Variants in PNMA8A observed in about 807,000 individuals in gnomAD.
The protein encoded by PNMA8A is PNMA family member 8A.
In PNMA8A, 17 loss-of-function variants were observed where a neutral mutation model predicts 26.6. That is an observed-to-expected ratio of 0.64 (90% CI 0.44 to 0.96). PNMA8A has a LOEUF of 0.96. PNMA8A is among the 40% of genes least tolerant of loss of function. PNMA8A has a pLI of 0.00. For missense variants in PNMA8A, 532 were observed against 488.4 expected, an observed-to-expected ratio of 1.09 and a Z score of -0.84; for synonymous variants, 224 against 182.0, an observed-to-expected ratio of 1.23 and a Z score of -1.86.
rs1030786781 is a variant in PNMA8A at position 46,471,098 on chromosome 19, G to A, written c.-63C>T. ...TATCAGGTGGACGTGGGCTGCAGCGGTCTCCAAACAGTAATCCTGCAAGGT... is the reference window on the plus strand; with the variant it reads ...TATCAGGTGGACGTGGGCTGCAGCGATCTCCAAACAGTAATCCTGCAAGGT... On this transcript the variant is annotated 5_prime_UTR_variant, in exon 2 of 3. Transcript: ENST00000313683. The A allele has an allele frequency of 8.9e-6, 6 of 676,576 alleles. No homozygotes were observed. The highest frequency in any genetic ancestry group is 5.3e-5 in the African/African-American group (3 of 56,152). The allele number at this position is 676,576 out of a possible 1,614,324, so 41.9% of individuals were successfully genotyped here.
Position 46,471,042 on chromosome 19 carries a change from G to A in PNMA8A, c.-7C>T, listed in dbSNP as rs999970562. 4 of 755,462 alleles carry A rather than the reference G, an allele frequency of 5.3e-6. No individual in the cohort carries two copies. Among genetic ancestry groups the A allele is most frequent in the African/African-American group, 1.7e-5 (1 of 58,436 alleles). 46.8% of individuals were successfully genotyped at this position (755,462 alleles called of 1,614,324 possible). A position where few individuals can be genotyped will look rare whatever the true frequency, so the allele number is the denominator to read the frequency against. On this transcript the variant is annotated 5_prime_UTR_variant, in exon 2 of 3. Coordinates refer to ENST00000313683, the MANE Select transcript of PNMA8A (RefSeq NM_018215.4). ...TCGCCATGGTCTTGGACATTTAGCG[G>A]CTCTGAACCTACTATGTGTAGTAAA...
chr19:46,470,681 G>T lies in PNMA8A; in HGVS notation c.355C>A (p.Arg119Ser). The T allele has an allele frequency of 8.1e-7, 1 of 1,237,072 alleles. No individual in the cohort carries two copies. Among genetic ancestry groups the T allele is most frequent in the Non-Finnish European group, 1.2e-6 (1 of 835,598 alleles). The allele number at this position is 1,237,072 out of a possible 1,614,324, so 76.6% of individuals were successfully genotyped here. Reference protein sequence around the residue: ...NLNEFLDAEGRTWEDVVRLLQ... With the variant: ...NLNEFLDAEGSTWEDVVRLLQ... Reference sequence around the variant, plus strand: ...AGGCGGACCACATCCTCCCAGGTGCGCCCCTCGGCATCCAGGAATTCATTC... The same window carrying T: ...AGGCGGACCACATCCTCCCAGGTGCTCCCCTCGGCATCCAGGAATTCATTC... Residue 119 changes from arginine to serine, a missense_variant, in exon 2 of 3, where the codon CGC becomes AGC. Physicochemically the swap from Arg to Ser is moderately radical, Grantham distance 110 (BLOSUM62 -1). Transcript: ENST00000313683.
chr19:46,467,058 C>A lies in PNMA8A; in HGVS notation c.*1503G>T, dbSNP rs1969715902. The stretch of plus-strand genomic sequence containing the variant: ...GCACAGGAATTTCTTCCACTTCTAA[C>A]CTCGCTCATCAGTCACATTTACAAG... On this transcript the variant is annotated 3_prime_UTR_variant, in exon 3 of 3. Transcript: ENST00000313683. The A allele has an allele frequency of 6.6e-6, 1 of 152,190 alleles. No individual in the cohort carries two copies. The highest frequency in any genetic ancestry group is 2.4e-5 in the African/African-American group (1 of 41,448). The allele number at this position is 152,190 out of a possible 1,614,324, so 9.4% of individuals were successfully genotyped here.
intron 2 of PNMA8A, among the ~76,000 whole-genome samples, chr19:46,469,154 GC>G (rs1369721665): frequency 1.4e-5 from 2 of 147,142 alleles, no homozygotes; most frequent in African/African-American, 5.1e-5. Context: ...CGTCACCCAG[GC>G]TGGAGGGCAG....
rs1969728149 is a variant in PNMA8A, at chr19:46,467,787, T to G, written c.*774A>C. The G allele has an allele frequency of 1.3e-5, 2 of 151,998 alleles. 1 individual carries two copies. Among genetic ancestry groups the G allele is most frequent in the South Asian group, 4.1e-4 (2 of 4,826 alleles). The allele number at this position is 151,998 out of a possible 1,614,324, so 9.4% of individuals were successfully genotyped here. A position where few individuals can be genotyped will look rare whatever the true frequency, so the allele number is the denominator to read the frequency against. ...TGCTGCAAAGATGGTGACAGTTTGG[T>G]GCAAAGATGGTGACAGTTGGGTAGA... On this transcript the variant is annotated 3_prime_UTR_variant, in exon 3 of 3. Transcript: ENST00000313683.
rs1278765505 is a variant in PNMA8A at position 46,470,763 on chromosome 19, A to C, written c.273T>G (p.Gly91=). 3.8e-6 allele frequency: 3 copies of C among 792,956 alleles called. No individual in the cohort carries two copies. Among genetic ancestry groups the C allele is most frequent in the Non-Finnish European group, 7.0e-6 (3 of 429,128 alleles). The allele number at this position is 792,956 out of a possible 1,614,324, so 49.1% of individuals were successfully genotyped here. A position where few individuals can be genotyped will look rare whatever the true frequency, so the allele number is the denominator to read the frequency against. ...GGTCTCTACAGACCACTCTCCAGACACCACCCCTTCCTGGGAATTCACGGG... is the reference window on the plus strand; with the variant it reads ...GGTCTCTACAGACCACTCTCCAGACCCCACCCCTTCCTGGGAATTCACGGG... ...TIPREFPGRG[G]VWRVVCRDPT... is the part of the protein sequence containing the mutation. The change falls in exon 2 of 3, where the codon GGT becomes GGG. Residue 91 remains glycine (G), a synonymous_variant. Transcript: ENST00000313683.
rs1042201367 is a variant in PNMA8A at position 46,468,712 on chromosome 19, A to T, written c.1304-135T>A. 11 of 689,528 alleles carry T rather than the reference A, an allele frequency of 1.6e-5. No individual in the cohort carries two copies. In the African/African-American group the frequency reaches 2.0e-4, roughly 12 times the overall value. The allele number at this position is 689,528 out of a possible 1,614,324, so 42.7% of individuals were successfully genotyped here. ...AGGTCTCTAGAAAACTTCACCCTTAAAGCCACATACCCTGCAAACACCATA... is the reference window on the plus strand; with the variant it reads ...AGGTCTCTAGAAAACTTCACCCTTATAGCCACATACCCTGCAAACACCATA... On this transcript the variant is annotated intron_variant, in intron 2 of 2. Transcript: ENST00000313683.
chr19:46,466,965 C>T lies in PNMA8A; in HGVS notation c.*1596G>A, dbSNP rs887949218. 2 of 152,170 alleles carry T rather than the reference C, an allele frequency of 1.3e-5. No homozygotes were observed. The highest frequency in any genetic ancestry group is 4.8e-5 in the African/African-American group (2 of 41,434). The allele number at this position is 152,170 out of a possible 1,614,324, so 9.4% of individuals were successfully genotyped here. ...ACTTACTACCATACACCTGAACAGTCACGGCAGAACAAGAGCATGTGAATG... is the reference window on the plus strand; with the variant it reads ...ACTTACTACCATACACCTGAACAGTTACGGCAGAACAAGAGCATGTGAATG... On this transcript the variant is annotated 3_prime_UTR_variant, in exon 3 of 3. Transcript: ENST00000313683.
chr19:46,468,764 G>C (rs1003928572), intron 2 of PNMA8A, among the ~76,000 whole-genome samples, 187 bp from the exon 3 acceptor site: 4 of 151,914 alleles, frequency 2.6e-5, no homozygotes, highest in African/African-American at 4.8e-5. Context: ...ATTTTTTTTG[G>C]GGGGAGGGGG....
rs1169943262 is a variant in PNMA8A, at chr19:46,470,750, C to T, written c.286G>A (p.Val96Ile). Residue 96 changes from valine (V) to isoleucine (I), a missense_variant, in exon 2 of 3, where the codon GTC (valine) becomes ATC (isoleucine). Coordinates refer to ENST00000313683, the MANE Select transcript of PNMA8A (RefSeq NM_018215.4). ...GCATCCTGGGTAGGGTCTCTACAGA[C>T]CACTCTCCAGACACCACCCCTTCCT... is the stretch of plus-strand genomic sequence containing the variant. ...FPGRGGVWRV[V>I]CRDPTQDAEF... 1 of 813,296 alleles carries T rather than the reference C, an allele frequency of 1.2e-6. No homozygotes were observed. Among genetic ancestry groups the T allele is most frequent in the Non-Finnish European group, 2.2e-6 (1 of 447,780 alleles). The allele number at this position is 813,296 out of a possible 1,614,324, so 50.4% of individuals were successfully genotyped here. A position where few individuals can be genotyped will look rare whatever the true frequency, so the allele number is the denominator to read the frequency against.
At position 46,468,505 on chromosome 19, in the gene PNMA8A, T is replaced by G. The variant is rs765387917; in HGVS notation, c.*56A>C. On this transcript the variant is annotated 3_prime_UTR_variant, in exon 3 of 3. Coordinates refer to ENST00000313683, the MANE Select transcript of PNMA8A (RefSeq NM_018215.4). ...ATTCAGTGACAAGAGAGAACTTGGT[T>G]GACTTGGTACTTCTTCCTTGTTCTT... 6.4e-7 allele frequency: 1 copy of G among 1,567,710 alleles called. No individual in the cohort carries two copies. Among genetic ancestry groups the G allele is most frequent in the South Asian group, 1.1e-5 (1 of 89,968 alleles).
At chr19:46,469,276 T>A (rs1249437833) in intron 2 of PNMA8A, among the ~76,000 whole-genome samples, 1 of 137,284 alleles carries the variant, frequency 7.3e-6, no homozygotes, top group African/African-American at 2.8e-5. Flanking sequence ...ACCCGGCTAA[T>A]TTTTTGTATT....
chr19:46,470,506 T>C lies in PNMA8A; in HGVS notation c.530A>G (p.Gln177Arg). Residue 177 changes from glutamine to arginine, a missense_variant, in exon 2 of 3, where the codon CAG becomes CGG. By Grantham distance (43) the Gln-to-Arg change is conservative. Transcript: ENST00000313683. The part of the protein sequence containing the change: ...EIRSREEARA[Q>R]EAAEFEEMAA... The stretch of plus-strand genomic sequence containing the variant: ...CATCTCCTCGAATTCAGCGGCCTCC[T>C]GGGCCCTGGCTTCCTCCCGGCTGCG... 6.2e-7 allele frequency: 1 copy of C among 1,614,080 alleles called. No homozygotes were observed. Among genetic ancestry groups the C allele is most frequent in the Non-Finnish European group, 8.5e-7 (1 of 1,180,040 alleles).
In PNMA8A at chr19:46,468,358, T is replaced by G. The variant is rs1601486792; in HGVS notation, c.*203A>C. 1.9e-6 allele frequency: 1 copy of G among 525,264 alleles called. No individual in the cohort carries two copies. 32.5% of individuals were successfully genotyped at this position (525,264 alleles called of 1,614,324 possible). A position where few individuals can be genotyped will look rare whatever the true frequency, so the allele number is the denominator to read the frequency against. The stretch of plus-strand genomic sequence containing the variant: ...GAAGGCGGTGAAACGGCAGGCCTGG[T>G]AGAGAAAAGGGCATAGAGATCCACC... On this transcript the variant is annotated 3_prime_UTR_variant, in exon 3 of 3. Transcript: ENST00000313683.
chr19:46,470,002 G>A lies in PNMA8A; in HGVS notation c.1034C>T (p.Pro345Leu). The change falls in exon 2 of 3, where the codon CCA (proline) becomes CTA (leucine). Residue 345 changes from proline to leucine, a missense_variant. Coordinates refer to ENST00000313683, the MANE Select transcript of PNMA8A (RefSeq NM_018215.4). ...SDQDGGHESP[P>L]KKKAVAWVSA... ...CACCCAGGCCACGGCCTTCTTCTTT[G>A]GTGGGCTTTCATGGCCACCATCTTG... 6.2e-7 allele frequency: 1 copy of A among 1,603,936 alleles called. No individual in the cohort carries two copies. Among genetic ancestry groups the A allele is most frequent in the Non-Finnish European group, 8.5e-7 (1 of 1,176,178 alleles).
rs371708776 is a variant in PNMA8A at position 46,470,469 on chromosome 19, A to G, written c.567T>C (p.Ala189=). The stretch of plus-strand genomic sequence containing the variant: ...TCTTCACCTTCCTCCCTGCTGCTAA[A>G]GCCCAGGCTGCCATCTCCTCGAATT... The part of the protein sequence containing the change: ...AAEFEEMAAW[A]LAAGRKVKKE... Residue 189 remains alanine, a synonymous_variant, in exon 2 of 3, where the codon GCT becomes GCC. Coordinates refer to ENST00000313683, the MANE Select transcript of PNMA8A (RefSeq NM_018215.4). 3 of 1,613,898 alleles carry G rather than the reference A, an allele frequency of 1.9e-6. No individual in the cohort carries two copies. In the Admixed American group the frequency reaches 5.0e-5, roughly 27 times the overall value.
At chr19:46,469,167 G>T (rs8109870) in intron 2 of PNMA8A, among the ~76,000 whole-genome samples, 33,734 of 147,012 alleles carry the variant, frequency 0.23, 3,945 homozygotes, top group Non-Finnish European at 0.25. Context: ...GGAGGGCAGT[G>T]GCACAATCTA....
rs746498306 is a variant in PNMA8A at position 46,469,774 on chromosome 19, G to A, written c.1262C>T (p.Pro421Leu). 1.4e-5 allele frequency: 22 copies of A among 1,612,530 alleles called. No homozygotes were observed. Among genetic ancestry groups the A allele is most frequent in the African/African-American group, 5.3e-5 (4 of 74,776 alleles). The change falls in exon 2 of 3, where the codon CCG becomes CTG. Residue 421 changes from proline (P) to leucine (L), a missense_variant. Pro to Leu is a moderately conservative substitution (Grantham distance 98). Transcript: ENST00000313683. ...AGGAGAGCCTTCTGGCTTGGCCTTC[G>A]GACCCCTAGAGGTTGAGGCTGTTGC... ...AEATASTSRG[P>L]KAKPEGSPRR...
At position 46,470,338 on chromosome 19, in the gene PNMA8A, C is replaced by T. The variant is rs747863547; in HGVS notation, c.698G>A (p.Arg233His). The T allele has an allele frequency of 6.2e-6, 10 of 1,613,800 alleles. No individual in the cohort carries two copies. The highest frequency in any genetic ancestry group is 1.3e-5 in the African/African-American group (1 of 74,934). Residue 233 changes from arginine to histidine, a missense_variant, in exon 2 of 3, where the codon CGC becomes CAC. Arg to His is a conservative substitution (Grantham distance 29). Transcript: ENST00000313683. ...DQHEPTKPLV[R>H]RAGAKSRSRR... ...GGAGCGAGACTTAGCTCCAGCCCTG[C>T]GAACCAAAGGTTTGGTAGGCTCATG...
Sources: allele counts gnomAD v4.1 joint callset (sites outside exome capture counted in the v4.1 genomes callset), GRCh38; gene constraint gnomAD v4.1.1; transcripts MANE v1.5; gene names NCBI Gene and HGNC (gene_info 2026-07-23, HGNC 2026-07-21).